SLC24A4: variants seen among roughly 807,000 people sequenced by gnomAD.
SLC24A4 encodes the protein solute carrier family 24 member 4.
In SLC24A4, 53 loss-of-function variants were observed where a neutral mutation model predicts 79.0. The observed-to-expected ratio is 0.67, with a 90% confidence interval of 0.54 to 0.84. The LOEUF (loss-of-function observed/expected upper bound fraction) is 0.84, where lower values mean the gene tolerates loss of function less well. SLC24A4 is among the 40% of genes least tolerant of loss of function. SLC24A4 has a pLI of 0.00. For synonymous variants in SLC24A4, 323 were observed against 323.8 expected, an observed-to-expected ratio of 1.00 and a Z score of 0.03; for missense variants, 731 against 822.0, an observed-to-expected ratio of 0.89 and a Z score of 1.35.
chr14:92,405,232 G>A (rs1012392407), intron 2 of SLC24A4, among the ~76,000 whole-genome samples: 5 of 152,146 alleles, frequency 3.3e-5, no homozygotes, highest in Non-Finnish European at 7.3e-5. Context: ...CAGGTTGATC[G>A]GTTAGCCCTC....
chr14:92,323,964 G>T lies in SLC24A4; in HGVS notation c.130+4G>T. The T allele has an allele frequency of 6.2e-7, 1 of 1,609,868 alleles. No individual in the cohort carries two copies. On this transcript the variant is annotated splice_donor_region_variant and intron_variant, in intron 1 of 16. Transcript: ENST00000532405. This position sits in a 1 kb window ranked among gnomAD's most constrained non-coding sequence, Gnocchi z 4.9. ...TCCGGCCTCTTCGGCAGCTTGGGTG[G>T]GTGCTGGTACGGGTCCCCTCTTCCT... is the stretch of plus-strand genomic sequence containing the variant.
chr14:92,345,803 C>T (rs1158822341), intron 2 of SLC24A4, among the ~76,000 whole-genome samples: 2 of 152,210 alleles, frequency 1.3e-5, no homozygotes, highest in South Asian at 2.1e-4. Flanking sequence ...GCACCCACCC[C>T]CTGTATGCCA....
intron 2 of SLC24A4, among the ~76,000 whole-genome samples, chr14:92,348,490 TG>T (rs1328301850): frequency 1.3e-5 from 2 of 152,340 alleles, no homozygotes; most frequent in East Asian, 3.9e-4. Context: ...TTGTCAACCC[TG>T]GGCCATAGTC....
chr14:92,396,309 T>C (rs1000523997), intron 2 of SLC24A4, among the ~76,000 whole-genome samples: 1 of 152,188 alleles, frequency 6.6e-6, no homozygotes, highest in Non-Finnish European at 1.5e-5. Flanking sequence ...TATTTTAATT[T>C]CAGTAAATCA....
chr14:92,491,015 A>G (rs1222667297), intron 14 of SLC24A4, among the ~76,000 whole-genome samples: 1 of 152,198 alleles, frequency 6.6e-6, no homozygotes, highest in East Asian at 1.9e-4. Flanking sequence ...ACCTCCTTAA[A>G]AACAACTAAA....
Position 92,441,402 on chromosome 14 carries a change from G to A in SLC24A4, c.394-687G>A, listed in dbSNP as rs949132914. ...CAACCATGAGTTCCCGTCCTGTCCC[G>A]TGCCAGCTTAACCCTGGAACCAGTA... On this transcript the variant is annotated intron_variant, in intron 4 of 16. Transcript: ENST00000532405. The surrounding 1 kb of genome is among the most constrained non-coding windows in gnomAD (Gnocchi z 4.6). Among the ~76,000 whole-genome samples the A allele has an allele frequency of 1.3e-5, 2 of 152,176 alleles. No homozygotes were observed. The highest frequency in any genetic ancestry group is 1.9e-4 in the East Asian group (1 of 5,202).
chr14:92,486,229 T>A (rs74531470), intron 13 of SLC24A4, among the ~76,000 whole-genome samples: 6 of 152,202 alleles, frequency 3.9e-5, no homozygotes, highest in African/African-American at 1.2e-4. Flanking sequence ...ACTTGTGCAG[T>A]TGGGGAAACT....
intron 2 of SLC24A4, among the ~76,000 whole-genome samples, chr14:92,357,584 G>A (rs1887250469): frequency 6.6e-6 from 1 of 152,196 alleles, no homozygotes; most frequent in East Asian, 1.9e-4. Flanking sequence ...AGTGAACTAA[G>A]CCAGTCACAA....
At chr14:92,457,721 C>G (rs142470905) in intron 12 of SLC24A4, 1 of 152,506 alleles carries the variant, frequency 6.6e-6, no homozygotes, top group African/African-American at 2.4e-5. Flanking sequence ...AGCTGTTTGG[C>G]CCCATTCTTG....
At chr14:92,431,401 G>T (rs1310521501) in intron 2 of SLC24A4, among the ~76,000 whole-genome samples, 5 of 152,218 alleles carry the variant, frequency 3.3e-5, no homozygotes, top group African/African-American at 1.2e-4. Flanking sequence ...TCCATCGGCT[G>T]CTAGAGACAG....
At chr14:92,388,017 T>C (rs867712502) in intron 2 of SLC24A4, among the ~76,000 whole-genome samples, 1 of 152,252 alleles carries the variant, frequency 6.6e-6, no homozygotes, top group South Asian at 2.1e-4. Context: ...AGTGTGCAGA[T>C]GTCTGCTCAG....
intron 12 of SLC24A4, among the ~76,000 whole-genome samples, chr14:92,469,991 G>C (rs1266000736): frequency 6.6e-6 from 1 of 152,208 alleles, no homozygotes; most frequent in East Asian, 1.9e-4. Context: ...AGTGGTCATA[G>C]TTACACAACT....
intron 2 of SLC24A4, among the ~76,000 whole-genome samples, chr14:92,336,431 G>T (rs1198920236): frequency 6.6e-6 from 1 of 152,310 alleles, no homozygotes; most frequent in Non-Finnish European, 1.5e-5. Context: ...GTGTGGCTGA[G>T]AAACAAAAGC....
chr14:92,373,601 C>T (rs1888328896), intron 2 of SLC24A4, among the ~76,000 whole-genome samples: 1 of 152,170 alleles, frequency 6.6e-6, no homozygotes, highest in Non-Finnish European at 1.5e-5. Context: ...CCGAACAACT[C>T]AGGACTGAGG....
intron 2 of SLC24A4, among the ~76,000 whole-genome samples, chr14:92,389,047 G>A (rs1303031292): frequency 1.3e-5 from 2 of 152,232 alleles, no homozygotes; most frequent in Admixed American, 6.5e-5. Context: ...TTTCTTCAGA[G>A]TAAACTGGGT....
At chr14:92,339,952 T>A (rs1037192322) in intron 2 of SLC24A4, among the ~76,000 whole-genome samples, 1 of 152,184 alleles carries the variant, frequency 6.6e-6, no homozygotes, top group Non-Finnish European at 1.5e-5. Flanking sequence ...AAGGAATAGG[T>A]TGAGAGAGGC....
intron 12 of SLC24A4, among the ~76,000 whole-genome samples, chr14:92,459,145 G>A (rs947765224): frequency 3.9e-5 from 6 of 152,220 alleles, no homozygotes; most frequent in African/African-American, 7.2e-5. Context: ...GGATGTGCCC[G>A]TTTTGGTCAT....
chr14:92,386,092 G>A (rs942742758), intron 2 of SLC24A4, among the ~76,000 whole-genome samples: 1 of 152,150 alleles, frequency 6.6e-6, no homozygotes, highest in South Asian at 2.1e-4. Context: ...TCAGAGGCAC[G>A]ATTTTCAGAC....
At chr14:92,328,000 C>A (rs552361838) in intron 2 of SLC24A4, among the ~76,000 whole-genome samples, 1 of 152,152 alleles carries the variant, frequency 6.6e-6, no homozygotes, top group South Asian at 2.1e-4. Context: ...ACATTTTAAT[C>A]CTTATCACGT....
Sources: allele counts gnomAD v4.1 joint callset (sites outside exome capture counted in the v4.1 genomes callset), GRCh38; gene constraint gnomAD v4.1.1; non-coding constraint Gnocchi (gnomAD v3.1); transcripts MANE v1.5; gene names NCBI Gene and HGNC (gene_info 2026-07-23, HGNC 2026-07-21).